Variants in TRDN observed in about 807,000 individuals in gnomAD.
The protein encoded by TRDN is triadin.
Under a neutral mutation model 149.7 loss-of-function variants are expected in TRDN, and 161 were observed. The ratio of observed to expected loss-of-function variants is 1.08; its 90% confidence interval spans 0.95 to 1.23. TRDN has a LOEUF of 1.23. Among genes scored for constraint, TRDN ranks in the 50% most tolerant of loss-of-function variants. The probability of loss-of-function intolerance (pLI) is 0.00; values close to 1 mark genes in which losing one functional copy is unlikely to be tolerated. For synonymous variants in TRDN, 294 were observed against 250.5 expected (o/e 1.17, Z -1.64); for missense variants, 896 against 823.5 (o/e 1.09, Z -1.08).
intron 38 of TRDN, among the ~76,000 whole-genome samples, chr6:123,226,145 T>C (rs1239546639): frequency 6.6e-6 from 1 of 151,788 alleles, no homozygotes; most frequent in Admixed American, 6.6e-5. Context: ...TAAATAATAT[T>C]TAAACATAGG....
intron 23 of TRDN, among the ~76,000 whole-genome samples, chr6:123,318,715 C>A (rs1779129979): frequency 6.6e-6 from 1 of 152,056 alleles, no homozygotes; most frequent in Non-Finnish European, 1.5e-5. Flanking sequence ...TCCTGTCAAT[C>A]ATATTGTAAT....
At chr6:123,372,300 A>T (rs572265412) in intron 19 of TRDN, among the ~76,000 whole-genome samples, 2 of 152,290 alleles carry the variant, frequency 1.3e-5, no homozygotes, top group Non-Finnish European at 2.9e-5. Context: ...AATGATCTTG[A>T]CATATATTAG....
At chr6:123,541,344 C>T (rs1780826134) in intron 4 of TRDN, among the ~76,000 whole-genome samples, 1 of 152,122 alleles carries the variant, frequency 6.6e-6, no homozygotes, top group African/African-American at 2.4e-5. Flanking sequence ...ACTTTGCGTG[C>T]CTTGACAAAG....
At chr6:123,548,052 A>C (rs1781206019) in intron 3 of TRDN, among the ~76,000 whole-genome samples, 1 of 152,072 alleles carries the variant, frequency 6.6e-6, no homozygotes. Flanking sequence ...TATGTGTATA[A>C]AACACTTATA....
intron 23 of TRDN, among the ~76,000 whole-genome samples, chr6:123,323,022 T>A (rs1350297812): frequency 6.6e-6 from 1 of 152,104 alleles, no homozygotes; most frequent in East Asian, 1.9e-4. Context: ...CTGCCTAGAA[T>A]AGCCACAGAA....
At chr6:123,234,923 G>T (rs144236990) in intron 38 of TRDN, among the ~76,000 whole-genome samples, 52 of 152,202 alleles carry the variant, frequency 3.4e-4, no homozygotes, top group African/African-American at 1.2e-3. Flanking sequence ...GTAGAGGCTA[G>T]GATCGTTTGT....
intron 2 of TRDN, among the ~76,000 whole-genome samples, chr6:123,566,184 CTGTT>C (rs1213766760): frequency 6.6e-6 from 1 of 152,126 alleles, no homozygotes; most frequent in African/African-American, 2.4e-5. Flanking sequence ...CTTTTCCAGT[CTGTT>C]TATTTGGTGC....
intron 32 of TRDN, among the ~76,000 whole-genome samples, chr6:123,265,686 TG>T (rs1168910419): frequency 1.9e-5 from 2 of 105,636 alleles, no homozygotes; most frequent in African/African-American, 7.8e-5. Flanking sequence ...ACAGTCCTTT[TG>T]GAATACATAT....
intron 12 of TRDN, among the ~76,000 whole-genome samples, chr6:123,421,805 C>CAAAAAAAAAAAAAAAAA (rs56022131): frequency 3.2e-5 from 3 of 92,636 alleles, no homozygotes; most frequent in Non-Finnish European, 4.2e-5. Context: ...CCTTTCTCTA[C>CAAAAAAAAAAAAAAAAA]AAAAAAAAAA....
chr6:123,478,064 A>T (rs1381318704), intron 9 of TRDN, among the ~76,000 whole-genome samples: 1 of 144,522 alleles, frequency 6.9e-6, no homozygotes, highest in East Asian at 2.4e-4. Context: ...ATAATAATAA[A>T]AAAAAAGAAA....
intron 35 of TRDN, 55 bp downstream of exon 35, chr6:123,259,569 G>T: frequency 1.6e-6 from 2 of 1,241,154 alleles, no homozygotes; most frequent in Admixed American, 2.6e-5. Context: ...TTTGTTTTTT[G>T]TTCCTCTGTT....
At chr6:123,490,738 A>G (rs981961064) in intron 9 of TRDN, among the ~76,000 whole-genome samples, 1 of 152,224 alleles carries the variant, frequency 6.6e-6, no homozygotes, top group East Asian at 1.9e-4. Context: ...AAAGGCAGGC[A>G]TCCAAAAGAA....
intron 1 of TRDN, among the ~76,000 whole-genome samples, chr6:123,584,766 A>T (rs2114593918): frequency 6.6e-6 from 1 of 152,300 alleles, no homozygotes; most frequent in African/African-American, 2.4e-5. Context: ...AATAGTAAAG[A>T]AAGCATGTTT....
chr6:123,540,832 T>TCATAGAA (rs1231276591), intron 4 of TRDN, among the ~76,000 whole-genome samples: 1 of 152,198 alleles, frequency 6.6e-6, no homozygotes, highest in East Asian at 1.9e-4. Context: ...GATTTTGGTC[T>TCATAGAA]CTCATGAGCA....
At chr6:123,621,032 C>CT (rs1255717316) in intron 1 of TRDN, among the ~76,000 whole-genome samples, 1 of 152,048 alleles carries the variant, frequency 6.6e-6, no homozygotes, top group African/African-American at 2.4e-5. Context: ...AAATAGGGAC[C>CT]TTTTTTGTCC....
rs79541496 is a variant in TRDN, at chr6:123,493,006, G to A, written c.853+4187C>T. Among the ~76,000 whole-genome samples the A allele has an allele frequency of 3.4e-3, 518 of 152,078 alleles. 23 individuals carry two copies. The East Asian group carries it at 0.092, about 27-fold the overall frequency. ...GTTATTAAAACACATCCTGTATAAC[G>A]CTGACCATCGGCACAACCAAAGATC... On this transcript the variant is annotated intron_variant, in intron 9 of 40. Transcript: ENST00000334268.
At chr6:123,528,604 A>T (rs1346571546) in intron 5 of TRDN, 5 of 980,506 alleles carry the variant, frequency 5.1e-6, no homozygotes, top group Non-Finnish European at 4.8e-6. Context: ...TAAATTCCTA[A>T]CTATCCATCA....
intron 2 of TRDN, among the ~76,000 whole-genome samples, chr6:123,557,133 C>G (rs188480649): frequency 3.3e-5 from 5 of 151,520 alleles, no homozygotes; most frequent in Admixed American, 3.3e-4. Flanking sequence ...ATAAAACGGC[C>G]GCACCCCATC....
chr6:123,320,407 T>C (rs1471524464), intron 23 of TRDN, among the ~76,000 whole-genome samples: 2 of 152,064 alleles, frequency 1.3e-5, no homozygotes, highest in East Asian at 3.8e-4. Flanking sequence ...TAATACATGA[T>C]AGTGCTTAGA....
Sources: gnomAD v4.1 joint callset for allele counts (sites outside exome capture counted in the v4.1 genomes callset) on GRCh38, gnomAD v4.1.1 for gene constraint, MANE v1.5 for transcripts, NCBI Gene and HGNC (gene_info 2026-07-23, HGNC 2026-07-21) for gene names.